Variants in DRC11 observed in about 807,000 individuals in gnomAD.
DRC11 encodes dynein regulatory complex subunit 11, also known as IQ and AAA domain-containing protein 1.
At chr2:236,363,930 T>TA in the DRC11 span, 2 of 1,613,840 alleles carry the variant, frequency 1.2e-6, no homozygotes, top group Non-Finnish European at 1.7e-6. The surrounding 1 kb of genome is among the most constrained non-coding windows in gnomAD (Gnocchi z 5.6). Context: ...ACGGCCCGGC[T>TA]AACAGTAGCG....
At chr2:236,334,292 G>A in the DRC11 span, among the ~76,000 whole-genome samples, 1 of 152,194 alleles carries the variant, frequency 6.6e-6, no homozygotes, top group Admixed American at 6.5e-5. The surrounding 1 kb of genome is among the most constrained non-coding windows in gnomAD (Gnocchi z 7.8). Flanking sequence ...TAGGGCCCAC[G>A]GTGGTGTCAG....
At chr2:236,444,152 T>G in the DRC11 span, among the ~76,000 whole-genome samples, 1 of 152,256 alleles carries the variant, frequency 6.6e-6, no homozygotes, top group African/African-American at 2.4e-5. Context: ...CTGTTCACTC[T>G]GATGATAGTT....
chr2:236,436,857 C>A, the DRC11 span, among the ~76,000 whole-genome samples: 2 of 152,050 alleles, frequency 1.3e-5, no homozygotes, highest in Non-Finnish European at 2.9e-5. Flanking sequence ...TATTCATTTT[C>A]CAACATTGTG....
the DRC11 span, chr2:236,338,268 A>G: frequency 1.2e-6 from 2 of 1,614,052 alleles, no homozygotes; most frequent in Admixed American, 1.7e-5. Context: ...TTGCAGAAAG[A>G]TTGGAGTTCA....
At chr2:236,416,721 T>TTTTATATATA in the DRC11 span, among the ~76,000 whole-genome samples, 4 of 64,244 alleles carry the variant, frequency 6.2e-5, 1 homozygote, top group South Asian at 2.2e-3. Context: ...ATATATATAT[T>TTTTATATATA]TATATATATA....
the DRC11 span, chr2:236,363,873 C>G: frequency 1.9e-6 from 3 of 1,613,974 alleles, no homozygotes; most frequent in Non-Finnish European, 2.5e-6. This position sits in a 1 kb window ranked among gnomAD's most constrained non-coding sequence, Gnocchi z 5.6. Context: ...GGTTGGCTCC[C>G]GTTTCGGTGC....
the DRC11 span, among the ~76,000 whole-genome samples, chr2:236,371,707 CA>C: frequency 6.6e-6 from 1 of 152,184 alleles, no homozygotes; most frequent in Non-Finnish European, 1.5e-5. This position sits in a 1 kb window ranked among gnomAD's most constrained non-coding sequence, Gnocchi z 5.1. Flanking sequence ...TCATTCTTAG[CA>C]GATTCTTCAG....
chr2:236,418,505 G>A, the DRC11 span, among the ~76,000 whole-genome samples: 2 of 152,132 alleles, frequency 1.3e-5, no homozygotes, highest in African/African-American at 2.4e-5. Context: ...CCTGAGATCC[G>A]TTTCTCATAG....
the DRC11 span, among the ~76,000 whole-genome samples, chr2:236,440,226 A>T: frequency 6.6e-6 from 1 of 152,220 alleles, no homozygotes; most frequent in Non-Finnish European, 1.5e-5. Context: ...ATTAAAAGAA[A>T]GGTGTCCATG....
At chr2:236,442,699 T>C in the DRC11 span, among the ~76,000 whole-genome samples, 2 of 152,352 alleles carry the variant, frequency 1.3e-5, no homozygotes, top group East Asian at 3.9e-4. Flanking sequence ...TTCATCATAT[T>C]GAAAAGCACA....
chr2:236,386,639 G>C, the DRC11 span, among the ~76,000 whole-genome samples: 1 of 151,968 alleles, frequency 6.6e-6, no homozygotes, highest in African/African-American at 2.4e-5. Flanking sequence ...ATTTTTTGAA[G>C]TGTTTTTTGT....
At chr2:236,459,556 T>TGTATAC in the DRC11 span, among the ~76,000 whole-genome samples, 40 of 143,468 alleles carry the variant, frequency 2.8e-4, 1 homozygote, top group Non-Finnish European at 4.7e-4. Flanking sequence ...CGTATACATG[T>TGTATAC]ATACGTATAT....
the DRC11 span, among the ~76,000 whole-genome samples, chr2:236,403,886 C>T: frequency 2.6e-5 from 4 of 152,118 alleles, no homozygotes; most frequent in Non-Finnish European, 5.9e-5. Context: ...GACTGCAACA[C>T]ACCACAGCCC....
At chr2:236,407,539 A>G in the DRC11 span, among the ~76,000 whole-genome samples, 1 of 152,102 alleles carries the variant, frequency 6.6e-6, no homozygotes, top group Non-Finnish European at 1.5e-5. Context: ...TAATGAATGA[A>G]TCTTTCTCTA....
chr2:236,316,803 T>C, the DRC11 span, among the ~76,000 whole-genome samples: 1 of 152,188 alleles, frequency 6.6e-6, no homozygotes, highest in African/African-American at 2.4e-5. This position sits in a 1 kb window ranked among gnomAD's most constrained non-coding sequence, Gnocchi z 6.8. Flanking sequence ...GGAGTTTGCA[T>C]GCATCGCTGG....
At chr2:236,416,770 A>AT in the DRC11 span, among the ~76,000 whole-genome samples, 24 of 69,560 alleles carry the variant, frequency 3.5e-4, no homozygotes, top group African/African-American at 7.6e-4. Flanking sequence ...TATATATATA[A>AT]ATAATTTTGC....
the DRC11 span, among the ~76,000 whole-genome samples, chr2:236,316,614 A>T: frequency 0.024 from 3,713 of 152,334 alleles, 65 homozygotes; most frequent in Non-Finnish European, 0.027. This position sits in a 1 kb window ranked among gnomAD's most constrained non-coding sequence, Gnocchi z 6.8. Context: ...CAACCAACTC[A>T]GCGGGTTTTA....
chr2:236,332,044 T>G, the DRC11 span: 2 of 162,328 alleles, frequency 1.2e-5, no homozygotes, highest in South Asian at 3.4e-4. This position sits in a 1 kb window ranked among gnomAD's most constrained non-coding sequence, Gnocchi z 5.1. Flanking sequence ...TATTTTTACA[T>G]CTGGAATCAG....
the DRC11 span, among the ~76,000 whole-genome samples, chr2:236,431,344 G>A: frequency 5.3e-5 from 8 of 152,322 alleles, 1 homozygote; most frequent in Admixed American, 3.9e-4. The surrounding 1 kb of genome is among the most constrained non-coding windows in gnomAD (Gnocchi z 4.2). Flanking sequence ...CATGGTGGAA[G>A]GGGAAGCAAA....
Sources: allele counts gnomAD v4.1 joint callset (sites outside exome capture counted in the v4.1 genomes callset), GRCh38; gene constraint gnomAD v4.1.1; non-coding constraint Gnocchi (gnomAD v3.1); transcripts MANE v1.5; gene names NCBI Gene and HGNC (gene_info 2026-07-23, HGNC 2026-07-21).